SYNE2: variants seen among roughly 807,000 people sequenced by gnomAD.
The protein encoded by SYNE2 is spectrin repeat containing nuclear envelope protein 2.
In SYNE2, 431 loss-of-function variants were observed where a neutral mutation model predicts 856.3. The observed-to-expected ratio is 0.50, with a 90% confidence interval of 0.47 to 0.55. SYNE2 has a LOEUF of 0.55. SYNE2 is among the 20% of genes least tolerant of loss of function. The pLI is 0.00. For synonymous variants in SYNE2, 2,923 were observed against 2,872.3 expected (o/e 1.02, Z -0.56); for missense variants, 8,129 against 8,023.2 (o/e 1.01, Z -0.50).
chr14:63,982,213 T>G (rs2096590804), intron 16 of SYNE2, among the ~76,000 whole-genome samples: 1 of 152,104 alleles, frequency 6.6e-6, no homozygotes, highest in African/African-American at 2.4e-5. Context: ...CCGAAAAAAT[T>G]AATGAGACAG....
At chr14:64,103,749 CAG>C (rs1443712469) in intron 64 of SYNE2, among the ~76,000 whole-genome samples, 1 of 152,146 alleles carries the variant, frequency 6.6e-6, no homozygotes, top group East Asian at 1.9e-4. Flanking sequence ...CTACTTCAAA[CAG>C]AGAGATAGTT....
chr14:64,064,685 C>G (rs998295232), intron 50 of SYNE2, among the ~76,000 whole-genome samples: 8 of 151,242 alleles, frequency 5.3e-5, no homozygotes, highest in Admixed American at 1.3e-4. Context: ...CGCTGAGTAG[C>G]TGGGGCTACA....
rs531335173 is a variant in SYNE2 at position 64,042,400 on chromosome 14, A to G, written c.7222-5600A>G. Among the ~76,000 whole-genome samples the G allele has an allele frequency of 6.9e-4, 105 of 152,360 alleles. 1 individual carries two copies. The highest frequency in any genetic ancestry group is 1.2e-3 in the Non-Finnish European group (79 of 68,032). ...TTGGGCTTTAAATTATTTTCTTAAT[A>G]CAGAAAATTATATCACTTTAAATCT... On this transcript the variant is annotated intron_variant, in intron 45 of 115. Transcript: ENST00000555002.
At chr14:63,816,263 C>T (rs559881742) in intron 1 of SYNE2, among the ~76,000 whole-genome samples, 1 of 151,904 alleles carries the variant, frequency 6.6e-6, no homozygotes, top group Non-Finnish European at 1.5e-5. Flanking sequence ...ATTATTATTA[C>T]CATATAGAGG....
intron 1 of SYNE2, among the ~76,000 whole-genome samples, chr14:63,784,660 A>C (rs1308552003): frequency 6.6e-6 from 1 of 152,020 alleles, no homozygotes; most frequent in Non-Finnish European, 1.5e-5. Flanking sequence ...GAGCCCAGCT[A>C]TAAATTTGTA....
Position 64,075,942 on chromosome 14 carries a change from T to C in SYNE2, c.10867-3T>C, listed in dbSNP as rs764840139. 7 of 1,613,566 alleles carry C rather than the reference T, an allele frequency of 4.3e-6. No homozygotes were observed. The African/African-American group carries it at 6.7e-5, about 15-fold the overall frequency. On this transcript the variant is annotated splice_region_variant and splice_polypyrimidine_tract_variant and intron_variant, in intron 53 of 115. Coordinates refer to ENST00000555002, the MANE Select transcript of SYNE2 (RefSeq NM_182914.3). Reference sequence around the variant, plus strand: ...AGTATTGCAACTCTCTTAATGCTTTTAGGAGCTTCAAAGCATCCTTAAGAA... The same window carrying C: ...AGTATTGCAACTCTCTTAATGCTTTCAGGAGCTTCAAAGCATCCTTAAGAA...
chr14:64,001,027 A>G (rs1240205533), intron 28 of SYNE2, among the ~76,000 whole-genome samples: 1 of 152,208 alleles, frequency 6.6e-6, no homozygotes, highest in African/African-American at 2.4e-5. Context: ...ACCAAGTCAC[A>G]TAAACTCTAT....
chr14:64,022,133 C>T, intron 37 of SYNE2, 105 bp downstream of exon 37: 5 of 1,065,260 alleles, frequency 4.7e-6, no homozygotes, highest in East Asian at 2.4e-5. Context: ...ATGGTTTGCA[C>T]AGACTACATT....
At chr14:63,790,212 G>A (rs1887684763) in intron 1 of SYNE2, among the ~76,000 whole-genome samples, 1 of 151,998 alleles carries the variant, frequency 6.6e-6, no homozygotes, top group South Asian at 2.1e-4. Context: ...TGCACCTGTA[G>A]TCCCAGCTAC....
At chr14:64,073,634 G>A (rs1017691539) in intron 52 of SYNE2, among the ~76,000 whole-genome samples, 8 of 152,188 alleles carry the variant, frequency 5.3e-5, no homozygotes, top group African/African-American at 1.9e-4. Flanking sequence ...GAGCCCACCT[G>A]TGATTCCATT....
rs556962500 is a variant in SYNE2, at chr14:64,098,067, A to G, written c.12227A>G (p.Glu4076Gly). 7 of 1,614,192 alleles carry G rather than the reference A, an allele frequency of 4.3e-6. No homozygotes were observed. The Admixed American group carries it at 1.0e-4, about 23-fold the overall frequency. The change falls in exon 62 of 116, where the codon GAA becomes GGA. Residue 4076 changes from glutamate (E) to glycine (G), a missense_variant. Transcript: ENST00000555002. ...NLHQHLKQEQEGVERDRLPAV... is the reference protein window; with the variant it reads ...NLHQHLKQEQGGVERDRLPAV... ...CACCAGCATTTGAAGCAAGAACAAG[A>G]AGGAGTAGAAAGAGATAGGCTGCCA...
intron 41 of SYNE2, 98 bp downstream of exon 41, chr14:64,025,519 C>A: frequency 8.3e-7 from 1 of 1,208,806 alleles, no homozygotes; most frequent in Non-Finnish European, 1.2e-6. Context: ...AATGGAAAAT[C>A]AGATCACTGT....
chr14:64,160,130 C>G (rs965259692), intron 87 of SYNE2, among the ~76,000 whole-genome samples: 2 of 152,136 alleles, frequency 1.3e-5, no homozygotes, highest in Non-Finnish European at 1.5e-5. Flanking sequence ...AATTATATAC[C>G]CTGCAGTGGT....
intron 1 of SYNE2, among the ~76,000 whole-genome samples, chr14:63,867,206 T>G (rs1281380816): frequency 6.6e-6 from 1 of 152,162 alleles, no homozygotes; most frequent in Non-Finnish European, 1.5e-5. Context: ...GAACTCTTAA[T>G]GGACAAGATA....
In SYNE2 at chr14:64,188,798, C is replaced by T. The variant is rs113940298; in HGVS notation, c.17871+90C>T. 63 of 1,359,564 alleles carry T rather than the reference C, an allele frequency of 4.6e-5. No homozygotes were observed. The African/African-American group carries it at 5.7e-4, about 12-fold the overall frequency. The allele number at this position is 1,359,564 out of a possible 1,614,324, so 84.2% of individuals were successfully genotyped here. A position where few individuals can be genotyped will look rare whatever the true frequency, so the allele number is the denominator to read the frequency against. On this transcript the variant is annotated intron_variant, in intron 98 of 115. Coordinates refer to ENST00000555002, the MANE Select transcript of SYNE2 (RefSeq NM_182914.3). ...CTAAGCCCAAACAGGGGCAATGTTA[C>T]GGGTGTTTCCAGTAGCATTTTAGAA...
chr14:64,159,535 T>C (rs2098312111), intron 87 of SYNE2, 93 bp downstream of exon 87: 2 of 1,418,984 alleles, frequency 1.4e-6, no homozygotes, highest in Non-Finnish European at 1.9e-6. Flanking sequence ...GTCTTCTTCC[T>C]CCTCTGAGAT....
At chr14:63,830,998 G>A (rs1046992858) in intron 1 of SYNE2, among the ~76,000 whole-genome samples, 3 of 151,746 alleles carry the variant, frequency 2.0e-5, no homozygotes, top group Admixed American at 1.3e-4. Flanking sequence ...CTGCCACCCT[G>A]CCCGGCTAAT....
chr14:63,913,853 T>TAA (rs2095504157), intron 2 of SYNE2, among the ~76,000 whole-genome samples: 3 of 152,074 alleles, frequency 2.0e-5, no homozygotes, highest in Non-Finnish European at 4.4e-5. Context: ...AAATTTAATT[T>TAA]AATTTTAAAT....
In SYNE2 at chr14:63,990,483, C is replaced by G. The variant is rs749179202; in HGVS notation, c.2386C>G (p.Gln796Glu). Residue 796 changes from glutamine (Q) to glutamate (E), a missense_variant, in exon 20 of 116, where the codon CAA becomes GAA. Coordinates refer to ENST00000555002, the MANE Select transcript of SYNE2 (RefSeq NM_182914.3). Reference protein sequence around the residue: ...RSEDMLQMDIQNISSQESFQH... With the variant: ...RSEDMLQMDIENISSQESFQH... ...TGAAGATATGTTACAAATGGATATA[C>G]AAAATATTTCAAGCCAGGAGTCCTT... The G allele has an allele frequency of 3.7e-6, 6 of 1,613,526 alleles. No individual in the cohort carries two copies. The highest frequency in any genetic ancestry group is 1.3e-5 in the African/African-American group (1 of 74,880).
Sources: allele counts gnomAD v4.1 joint callset (sites outside exome capture counted in the v4.1 genomes callset), GRCh38; gene constraint gnomAD v4.1.1; transcripts MANE v1.5; gene names NCBI Gene and HGNC (gene_info 2026-07-23, HGNC 2026-07-21).